TAOK3: variants seen among roughly 807,000 people sequenced by gnomAD.
TAOK3 encodes serine/threonine-protein kinase TAO3.
In TAOK3, 40 loss-of-function variants were observed where a neutral mutation model predicts 120.4. The observed-to-expected ratio is 0.33, with a 90% CI of 0.26 to 0.43. The LOEUF (loss-of-function observed/expected upper bound fraction) is 0.43. Among genes scored for constraint, TAOK3 ranks in the 20% least tolerant of loss-of-function variants. TAOK3 has a pLI of 1.00. For synonymous variants in TAOK3, 355 were observed against 387.5 expected, an observed-to-expected ratio of 0.92 and a Z score of 0.99; for missense variants, 821 against 1,112.1, an observed-to-expected ratio of 0.74 and a Z score of 3.72.
At chr12:118,185,542 T>C (rs1336702640) in intron 14 of TAOK3, among the ~76,000 whole-genome samples, 2 of 152,234 alleles carry the variant, frequency 1.3e-5, no homozygotes, top group Non-Finnish European at 2.9e-5. Context: ...ATGAAATTTA[T>C]AGCAAGTTCT....
At chr12:118,235,907 C>T in intron 7 of TAOK3, 1 of 405,536 alleles carries the variant, frequency 2.5e-6, no homozygotes, top group Non-Finnish European at 4.5e-6. Flanking sequence ...GTAGAGCTTT[C>T]TTCAGAGGGA....
In TAOK3 at chr12:118,368,263, T is replaced by G. The variant is rs1300514412; in HGVS notation, c.-194+4385A>C. Among the ~76,000 whole-genome samples, 4 of 152,040 alleles carry G rather than the reference T, an allele frequency of 2.6e-5. No homozygotes were observed. The East Asian group carries it at 7.8e-4, about 30-fold the overall frequency. On this transcript the variant is annotated intron_variant, in intron 1 of 20. Coordinates refer to ENST00000392533, the MANE Select transcript of TAOK3 (RefSeq NM_016281.4). ...CCAGGCTGGAGTGCGAGGGCGCTATTTTGGATCACTGCAAGCTCCGCCTCC... is the reference window on the plus strand; with the variant it reads ...CCAGGCTGGAGTGCGAGGGCGCTATGTTGGATCACTGCAAGCTCCGCCTCC...
intron 2 of TAOK3, among the ~76,000 whole-genome samples, chr12:118,264,780 T>C (rs528415388): frequency 6.6e-6 from 1 of 152,208 alleles, no homozygotes; most frequent in Non-Finnish European, 1.5e-5. Context: ...ATGCTTGTAA[T>C]CCCAGCTCTT....
intron 14 of TAOK3, among the ~76,000 whole-genome samples, chr12:118,182,187 A>C (rs781077873): frequency 1.1e-4 from 16 of 152,296 alleles, no homozygotes; most frequent in Non-Finnish European, 1.6e-4. Flanking sequence ...TCTCAAAAAA[A>C]AACAACAACA....
At chr12:118,304,810 A>G (rs879234906) in intron 1 of TAOK3, among the ~76,000 whole-genome samples, 1 of 152,224 alleles carries the variant, frequency 6.6e-6, no homozygotes, top group Admixed American at 6.5e-5. Context: ...ATTTCATTAG[A>G]TATTATAAAA....
chr12:118,304,404 A>C (rs545628145), intron 1 of TAOK3, among the ~76,000 whole-genome samples: 1 of 152,316 alleles, frequency 6.6e-6, no homozygotes, highest in Non-Finnish European at 1.5e-5. Flanking sequence ...AAAATATATA[A>C]TATTAACCAA....
chr12:118,309,308 A>C (rs2140831054), intron 1 of TAOK3, among the ~76,000 whole-genome samples: 1 of 149,836 alleles, frequency 6.7e-6, no homozygotes, highest in South Asian at 2.1e-4. Context: ...CAGCCTGGGC[A>C]ACAGAGTGAG....
intron 17 of TAOK3, among the ~76,000 whole-genome samples, chr12:118,167,767 T>C (rs1482261942): frequency 6.6e-6 from 1 of 151,958 alleles, no homozygotes. Context: ...AATCAAGTTA[T>C]ATCTCTCCTA....
chr12:118,279,207 G>C (rs899248270), intron 1 of TAOK3, among the ~76,000 whole-genome samples: 1 of 152,078 alleles, frequency 6.6e-6, no homozygotes, highest in African/African-American at 2.4e-5. Flanking sequence ...TATGCTTGTT[G>C]GTTGTGTGCA....
At chr12:118,200,450 C>T (rs1337944116) in intron 12 of TAOK3, 1 of 152,162 alleles carries the variant, frequency 6.6e-6, no homozygotes, top group Non-Finnish European at 1.5e-5. Flanking sequence ...ACTTTTCCTT[C>T]TTAACCCAAT....
intron 17 of TAOK3, among the ~76,000 whole-genome samples, chr12:118,166,839 C>CACAT (rs2035624695): frequency 1.6e-5 from 2 of 125,688 alleles, no homozygotes; most frequent in African/African-American, 3.0e-5. Context: ...CACACACACA[C>CACAT]ACACACATAC....
Position 118,372,539 on chromosome 12 carries a change from C to T in TAOK3, c.-194+109G>A, listed in dbSNP as rs1341559497. 1 of 154,650 alleles carries T rather than the reference C, an allele frequency of 6.5e-6. No homozygotes were observed. The highest frequency in any genetic ancestry group is 2.4e-5 in the African/African-American group (1 of 41,466). The allele number at this position is 154,650 out of a possible 1,614,324, so 9.6% of individuals were successfully genotyped here. On this transcript the variant is annotated intron_variant, in intron 1 of 20. Transcript: ENST00000392533. This position sits in a 1 kb window ranked among gnomAD's most constrained non-coding sequence, Gnocchi z 4.6. The stretch of plus-strand genomic sequence containing the variant: ...GCTGTCCCGGTCCCTCCCGGGGTCT[C>T]CTCTCCACAGTCTGCACTGTCGAGC...
intron 1 of TAOK3, among the ~76,000 whole-genome samples, chr12:118,335,558 G>C (rs1247558269): frequency 2.6e-5 from 4 of 152,018 alleles, no homozygotes; most frequent in African/African-American, 9.7e-5. Flanking sequence ...AGCCAGGCAT[G>C]GTGTCTCACG....
At chr12:118,330,801 A>C (rs981087504) in intron 1 of TAOK3, among the ~76,000 whole-genome samples, 11 of 151,830 alleles carry the variant, frequency 7.2e-5, no homozygotes, top group Non-Finnish European at 1.5e-4. Flanking sequence ...AAAGGGGCAG[A>C]AGGTTAAAAA....
At chr12:118,266,009 A>G (rs2041431324) in intron 2 of TAOK3, among the ~76,000 whole-genome samples, 1 of 152,170 alleles carries the variant, frequency 6.6e-6, no homozygotes, top group African/African-American at 2.4e-5. Context: ...GGTAATTTCA[A>G]ATCTAACTAT....
At chr12:118,210,776 T>G (rs1371722144) in intron 11 of TAOK3, among the ~76,000 whole-genome samples, 1 of 151,446 alleles carries the variant, frequency 6.6e-6, no homozygotes, top group African/African-American at 2.4e-5. Flanking sequence ...TGTCGCTCTG[T>G]TGCCCCGGCT....
chr12:118,171,014 T>C (rs1019796335), intron 17 of TAOK3, among the ~76,000 whole-genome samples: 3 of 152,210 alleles, frequency 2.0e-5, no homozygotes, highest in Admixed American at 6.5e-5. Flanking sequence ...ACCACTGTGC[T>C]AGATCATTTA....
intron 9 of TAOK3, among the ~76,000 whole-genome samples, chr12:118,218,454 T>C (rs2039050642): frequency 6.6e-6 from 1 of 152,188 alleles, no homozygotes; most frequent in African/African-American, 2.4e-5. Context: ...TATTTGCATG[T>C]AACCTGCACA....
At chr12:118,296,132 TCAA>T in intron 1 of TAOK3, among the ~76,000 whole-genome samples, 1 of 152,284 alleles carries the variant, frequency 6.6e-6, no homozygotes, top group East Asian at 1.9e-4. Context: ...TAAAATTTGG[TCAA>T]TAAAGGTAAA....
Sources: gnomAD v4.1 joint callset for allele counts (sites outside exome capture counted in the v4.1 genomes callset) on GRCh38, gnomAD v4.1.1 for gene constraint, Gnocchi (gnomAD v3.1) non-coding constraint, MANE v1.5 for transcripts, NCBI Gene and HGNC (gene_info 2026-07-23, HGNC 2026-07-21) for gene names.